COL17A1: variants seen among roughly 807,000 people sequenced by gnomAD.
The protein encoded by COL17A1 is collagen type XVII alpha 1 chain, also known as collagen alpha-1(XVII) chain.
A neutral mutation model predicts 218.4 loss-of-function variants in COL17A1; 181 were observed. That is an observed-to-expected ratio of 0.83 (90% CI 0.73 to 0.94). COL17A1 has a LOEUF of 0.94. COL17A1 is among the 40% of genes least tolerant of loss of function. COL17A1 has a pLI of 0.00. For synonymous variants in COL17A1, 721 were observed against 731.0 expected, an observed-to-expected ratio of 0.99 and a Z score of 0.22; for missense variants, 1,924 against 1,945.9, an observed-to-expected ratio of 0.99 and a Z score of 0.21.
intron 33 of COL17A1, among the ~76,000 whole-genome samples, chr10:104,044,841 C>T (rs910859584): frequency 6.6e-6 from 1 of 152,166 alleles, no homozygotes; most frequent in South Asian, 2.1e-4. Context: ...AAGGTACCAT[C>T]CATTCGTGAA....
In COL17A1 at chr10:104,043,666, C is replaced by A. The variant is rs559897852; in HGVS notation, c.2435-85G>T. The A allele has an allele frequency of 2.2e-5, 33 of 1,532,616 alleles. No homozygotes were observed. In the East Asian group the frequency reaches 6.8e-4, roughly 32 times the overall value. 94.9% of individuals were successfully genotyped at this position (1,532,616 alleles called of 1,614,324 possible). A position where few individuals can be genotyped will look rare whatever the true frequency, so the allele number is the denominator to read the frequency against. On this transcript the variant is annotated intron_variant, in intron 34 of 55. Coordinates refer to ENST00000648076, the MANE Select transcript of COL17A1 (RefSeq NM_000494.4). ...ACCCAAGCCAGGTTGTGGTGGGCAG[C>A]CTGGCATTTCTTCTTCTCATCGCTG...
rs1420848496 is a variant in COL17A1, at chr10:104,062,272, G to C, written c.896C>G (p.Thr299Ser). ...PSLTTLSHGTTTTSTAYGVKK... is the reference protein window; with the variant it reads ...PSLTTLSHGTSTTSTAYGVKK... Reference sequence around the variant, plus strand: ...AGCCTACTGACCTGTGGAAGTGGTGGTGGTGCCATGGGACAGGGTGGTCAA... The same window carrying C: ...AGCCTACTGACCTGTGGAAGTGGTGCTGGTGCCATGGGACAGGGTGGTCAA... The change falls in exon 12 of 56, where the codon ACC becomes AGC. Residue 299 changes from threonine (T) to serine (S), a missense_variant. Physicochemically the swap from Thr to Ser is moderately conservative, Grantham distance 58. Transcript: ENST00000648076. The C allele has an allele frequency of 6.2e-7, 1 of 1,614,108 alleles. No individual in the cohort carries two copies. Among genetic ancestry groups the C allele is most frequent in the African/African-American group, 1.3e-5 (1 of 74,934 alleles).
chr10:104,082,707 G>A (rs1361801334), intron 1 of COL17A1, among the ~76,000 whole-genome samples: 1 of 152,220 alleles, frequency 6.6e-6, no homozygotes, highest in Non-Finnish European at 1.5e-5. Flanking sequence ...GATGGATCAT[G>A]ACTCTGTTTG....
At chr10:104,054,463 G>A (rs1388075722) in intron 20 of COL17A1, among the ~76,000 whole-genome samples, 1 of 152,154 alleles carries the variant, frequency 6.6e-6, no homozygotes, top group African/African-American at 2.4e-5. Flanking sequence ...ACTTGGGGAA[G>A]GAGGGCTGGG....
chr10:104,079,926 C>CA (rs11369650), intron 2 of COL17A1, among the ~76,000 whole-genome samples: 119,537 of 135,040 alleles, frequency 0.89, 53,095 homozygotes, highest in Non-Finnish European at 0.96. Flanking sequence ...GACTCCGTCT[C>CA]AAAAAAAAAA....
chr10:104,039,930 C>T, intron 41 of COL17A1, 43 bp downstream of exon 41: 1 of 1,613,924 alleles, frequency 6.2e-7, no homozygotes, highest in Non-Finnish European at 8.5e-7. Flanking sequence ...TTTGCCATCC[C>T]CACCCCTACC....
chr10:104,042,547 G>A, intron 35 of COL17A1, 92 bp from the exon 36 acceptor site: 1 of 1,267,374 alleles, frequency 7.9e-7, no homozygotes, highest in South Asian at 1.2e-5. Flanking sequence ...GCATGGAACA[G>A]AGACCCAAAG....
intron 19 of COL17A1, 177 bp from the exon 20 acceptor site, chr10:104,055,184 C>CTT: frequency 7.0e-7 from 1 of 1,423,360 alleles, no homozygotes; most frequent in South Asian, 1.2e-5. Context: ...CTGGGCTTCT[C>CTT]TTAGATGCTG....
Position 104,056,094 on chromosome 10 carries a change from T to C in COL17A1, c.1466-91A>G, listed in dbSNP as rs377570360. ...CTAGTGGAGAGCCTGACACAAGGGA[T>C]TGGGGCCTGTGGTGGCTTCTTCATG... On this transcript the variant is annotated intron_variant, in intron 17 of 55. Coordinates refer to ENST00000648076, the MANE Select transcript of COL17A1 (RefSeq NM_000494.4). The C allele has an allele frequency of 4.0e-5, 59 of 1,482,710 alleles. 1 individual carries two copies. The African/African-American group carries it at 7.4e-4, about 19-fold the overall frequency. 91.8% of individuals were successfully genotyped at this position (1,482,710 alleles called of 1,614,324 possible).
chr10:104,042,551 C>T, intron 35 of COL17A1, 96 bp from the exon 36 acceptor site: 1 of 1,202,794 alleles, frequency 8.3e-7, no homozygotes, highest in Non-Finnish European at 1.2e-6. Flanking sequence ...GGAACAGAGA[C>T]CCAAAGAGGC....
At chr10:104,033,858 C>G in intron 52 of COL17A1, 87 bp downstream of exon 52, 1 of 1,590,426 alleles carries the variant, frequency 6.3e-7, no homozygotes, top group Non-Finnish European at 8.6e-7. Flanking sequence ...TCTTCACAGC[C>G]TGGGGGTTCC....
intron 4 of COL17A1, 124 bp from the exon 5 acceptor site, chr10:104,076,553 AGGG>A: frequency 4.7e-6 from 6 of 1,280,792 alleles, no homozygotes; most frequent in Non-Finnish European, 6.7e-6. Flanking sequence ...CACAGCTGAA[AGGG>A]GCCACCTCAG....
In COL17A1 at chr10:104,039,506, G is replaced by A. The variant is rs144329737; in HGVS notation, c.2835C>T (p.Phe945=). The part of the protein sequence containing the change: ...PGFSTSGSSS[F]GLNLQGPPGP... ...CTGGTGGTCCCTGAAGGTTGAGTCC[G>A]AAAGAACTGGACCCTGGAAGCCAAC... The change falls in exon 43 of 56, where the codon TTC becomes TTT. Residue 945 remains phenylalanine, a synonymous_variant. Coordinates refer to ENST00000648076, the MANE Select transcript of COL17A1 (RefSeq NM_000494.4). 57 of 1,613,866 alleles carry A rather than the reference G, an allele frequency of 3.5e-5. No homozygotes were observed. Among genetic ancestry groups the A allele is most frequent in the Non-Finnish European group, 4.1e-5 (48 of 1,179,964 alleles).
chr10:104,038,565 C>T, intron 44 of COL17A1, 37 bp from the exon 45 acceptor site: 1 of 1,604,746 alleles, frequency 6.2e-7, no homozygotes, highest in Non-Finnish European at 8.5e-7. Context: ...TCGGTTTCTC[C>T]ACCCTAGGGT....
chr10:104,042,454 G>A lies in COL17A1; in HGVS notation c.2517C>T (p.Gly839=), dbSNP rs546976298. Residue 839 remains glycine, a splice_region_variant and synonymous_variant, in exon 36 of 56, where the codon GGC becomes GGT. Transcript: ENST00000648076. ...CTGGGAGACCAGCTGGGCCGGCAGG[G>A]CCTGGAAACGGGGTTGAGGAAGAAA... ...MGPPGPPGAP[G]PAGPAGLPGH... is the part of the protein sequence containing the mutation. The A allele has an allele frequency of 1.9e-6, 3 of 1,614,210 alleles. No homozygotes were observed. The highest frequency in any genetic ancestry group is 2.5e-6 in the Non-Finnish European group (3 of 1,180,022).
chr10:104,071,966 A>T (rs908043024), intron 8 of COL17A1, 66 bp downstream of exon 8: 46 of 1,610,698 alleles, frequency 2.9e-5, no homozygotes, highest in Admixed American at 5.0e-5. Flanking sequence ...GCACACACAC[A>T]CACACACACA....
intron 7 of COL17A1, 115 bp from the exon 8 acceptor site, chr10:104,072,194 C>G (rs2086675171): frequency 1.1e-5 from 16 of 1,477,486 alleles, no homozygotes; most frequent in East Asian, 9.5e-5. Flanking sequence ...TTTCTGAGCT[C>G]TGGAAACAGG....
rs537327441 is a variant in COL17A1 at position 104,031,303 on chromosome 10, T to G, written c.*932A>C. 1 of 152,736 alleles carries G rather than the reference T, an allele frequency of 6.5e-6. No individual in the cohort carries two copies. The highest frequency in any genetic ancestry group is 2.1e-4 in the South Asian group (1 of 4,822). 9.5% of individuals were successfully genotyped at this position (152,736 alleles called of 1,614,324 possible). A position where few individuals can be genotyped will look rare whatever the true frequency, so the allele number is the denominator to read the frequency against. On this transcript the variant is annotated 3_prime_UTR_variant, in exon 56 of 56. Coordinates refer to ENST00000648076, the MANE Select transcript of COL17A1 (RefSeq NM_000494.4). ...AAACATGATATTAGAAAAAAAAACT[T>G]CTTTAATGGGAAATTTTACGATTGA...
At chr10:104,048,586 T>C (rs2086436676) in intron 29 of COL17A1, among the ~76,000 whole-genome samples, 1 of 152,220 alleles carries the variant, frequency 6.6e-6, no homozygotes, top group Non-Finnish European at 1.5e-5. Flanking sequence ...CCACTTGAAA[T>C]GCCCCCTCCT....
Sources: gnomAD v4.1 joint callset for allele counts (sites outside exome capture counted in the v4.1 genomes callset) on GRCh38, gnomAD v4.1.1 for gene constraint, MANE v1.5 for transcripts, NCBI Gene and HGNC (gene_info 2026-07-23, HGNC 2026-07-21) for gene names.